The following RGS6 variants were observed in gnomAD, a reference collection of about 807,000 sequenced individuals.
The protein encoded by RGS6 is regulator of G-protein signaling 6.
In RGS6, 30 loss-of-function variants were observed where a neutral mutation model predicts 78.5. The observed-to-expected ratio is 0.38, with a 90% CI of 0.29 to 0.52. RGS6 has a LOEUF of 0.52. Among genes scored for constraint, RGS6 ranks in the 20% least tolerant of loss-of-function variants. The pLI is 0.85. For missense variants in RGS6, 495 were observed against 609.7 expected (o/e 0.81, Z 1.98); for synonymous variants, 206 against 206.0 (o/e 1.00, Z 0.00).
the RGS6 span, among the ~76,000 whole-genome samples, chr14:72,590,714 G>A: frequency 6.6e-6 from 1 of 152,234 alleles, no homozygotes; most frequent in Non-Finnish European, 1.5e-5. Flanking sequence ...CATTTGCGAG[G>A]CGGGGAGAGG....
chr14:72,347,702 A>T (rs1399907907), intron 2 of RGS6, among the ~76,000 whole-genome samples: 2 of 152,220 alleles, frequency 1.3e-5, no homozygotes. Flanking sequence ...AAAATCCAGG[A>T]ATAGTCTCTG....
intron 2 of RGS6, among the ~76,000 whole-genome samples, chr14:72,115,565 G>T (rs559356549): frequency 9.2e-5 from 14 of 152,262 alleles, no homozygotes; most frequent in Admixed American, 4.6e-4. Flanking sequence ...AGGAGATCTG[G>T]GAAGGGCTGG....
At chr14:72,534,084 C>T (rs1749986667) in intron 15 of RGS6, among the ~76,000 whole-genome samples, 1 of 152,206 alleles carries the variant, frequency 6.6e-6, no homozygotes, top group Admixed American at 6.5e-5. Context: ...ATTGATGCGA[C>T]AAACTTCATT....
intron 3 of RGS6, among the ~76,000 whole-genome samples, chr14:72,392,863 A>G (rs1174081649): frequency 6.6e-6 from 1 of 152,152 alleles, no homozygotes; most frequent in Non-Finnish European, 1.5e-5. Flanking sequence ...CACCCCACAC[A>G]CAAGTTGTAC....
chr14:72,208,345 G>A (rs1314652435), intron 2 of RGS6, among the ~76,000 whole-genome samples: 3 of 152,178 alleles, frequency 2.0e-5, no homozygotes, highest in Non-Finnish European at 4.4e-5. Context: ...GGTGATACTG[G>A]GATGAGCCTT....
At chr14:71,877,727 A>G in the RGS6 span, among the ~76,000 whole-genome samples, 1 of 152,218 alleles carries the variant, frequency 6.6e-6, no homozygotes, top group Admixed American at 6.5e-5. Flanking sequence ...ATTGCTGGCA[A>G]GAAGCTGCAT....
intron 2 of RGS6, among the ~76,000 whole-genome samples, chr14:72,190,323 A>C (rs769287672): frequency 1.3e-5 from 2 of 152,244 alleles, no homozygotes; most frequent in Non-Finnish European, 2.9e-5. Flanking sequence ...TTATTTCTTG[A>C]AGGAAAAGGA....
intron 2 of RGS6, among the ~76,000 whole-genome samples, chr14:72,233,487 CTG>C (rs1431669035): frequency 6.6e-6 from 1 of 152,174 alleles, no homozygotes; most frequent in Non-Finnish European, 1.5e-5. Flanking sequence ...AATGTGGAAA[CTG>C]TATTAAAAAT....
chr14:72,192,644 C>T (rs144969861), intron 2 of RGS6, among the ~76,000 whole-genome samples: 88 of 152,288 alleles, frequency 5.8e-4, no homozygotes, highest in Middle Eastern at 3.4e-3. Context: ...CCTATTTGCA[C>T]GTCTCTGCTC....
the RGS6 span, among the ~76,000 whole-genome samples, chr14:72,573,796 G>A: frequency 2.0e-3 from 303 of 152,172 alleles, 2 homozygotes; most frequent in African/African-American, 6.3e-3. Context: ...TTCTCTTCCC[G>A]GGAGGGAGGC....
the RGS6 span, among the ~76,000 whole-genome samples, chr14:71,920,771 T>C: frequency 6.6e-6 from 1 of 152,330 alleles, no homozygotes; most frequent in South Asian, 2.1e-4. Flanking sequence ...CTTACTAGAA[T>C]GCAGGTTAAA....
At chr14:72,356,981 G>A (rs374440546) in intron 3 of RGS6, among the ~76,000 whole-genome samples, 1 of 152,156 alleles carries the variant, frequency 6.6e-6, no homozygotes, top group Non-Finnish European at 1.5e-5. Context: ...ACTTGAAAAT[G>A]TGGAAGCAGC....
At chr14:72,262,433 A>G (rs2058329010) in intron 2 of RGS6, among the ~76,000 whole-genome samples, 1 of 152,190 alleles carries the variant, frequency 6.6e-6, no homozygotes, top group Admixed American at 6.5e-5. Context: ...GGAGAGAGAC[A>G]GCTGTCTGGC....
At chr14:72,312,182 T>C (rs2068785563) in intron 2 of RGS6, among the ~76,000 whole-genome samples, 3 of 152,078 alleles carry the variant, frequency 2.0e-5, no homozygotes, top group Admixed American at 2.0e-4. Flanking sequence ...GTATTAAAGC[T>C]TCTACATGAA....
At chr14:72,578,657 G>A in the RGS6 span, among the ~76,000 whole-genome samples, 38 of 152,372 alleles carry the variant, frequency 2.5e-4, no homozygotes, top group African/African-American at 8.9e-4. Context: ...CATAGTCTGA[G>A]CCCTTCAAGA....
chr14:72,387,564 A>G (rs2088603739), intron 3 of RGS6, among the ~76,000 whole-genome samples: 1 of 151,904 alleles, frequency 6.6e-6, no homozygotes, highest in Non-Finnish European at 1.5e-5. Context: ...AAAAAAAAAA[A>G]GGAGAGGGAT....
At chr14:72,139,835 CT>C (rs556562235) in intron 2 of RGS6, among the ~76,000 whole-genome samples, 76 of 147,554 alleles carry the variant, frequency 5.2e-4, no homozygotes, top group Middle Eastern at 7.2e-3. Context: ...CTCAGGCAGA[CT>C]TTTTTTTTTT....
chr14:72,096,594 C>T (rs141907661), intron 2 of RGS6, among the ~76,000 whole-genome samples: 5 of 152,250 alleles, frequency 3.3e-5, no homozygotes, highest in Admixed American at 3.3e-4. Context: ...TGACTGAGCT[C>T]AGCCGGGTGG....
the RGS6 span, among the ~76,000 whole-genome samples, chr14:72,612,845 T>C: frequency 1.3e-5 from 2 of 152,210 alleles, no homozygotes; most frequent in Non-Finnish European, 2.9e-5. Context: ...AGGCTCCCTT[T>C]GCAACCCTGG....
Sources: gnomAD v4.1 joint callset for allele counts (sites outside exome capture counted in the v4.1 genomes callset) on GRCh38, gnomAD v4.1.1 for gene constraint, MANE v1.5 for transcripts, NCBI Gene and HGNC (gene_info 2026-07-23, HGNC 2026-07-21) for gene names.